The following CSTPP1 variants were observed in gnomAD, a reference collection of about 807,000 sequenced individuals.
The protein encoded by CSTPP1 is UPF0705 protein C11orf49.
chr11:47,129,576 C>G, the CSTPP1 span, among the ~76,000 whole-genome samples: 1 of 152,262 alleles, frequency 6.6e-6, no homozygotes, highest in East Asian at 1.9e-4. Flanking sequence ...GTCCTCCAAT[C>G]CCTAATGGCC....
At chr11:47,162,032 G>A in the CSTPP1 span, 85 of 1,006,286 alleles carry the variant, frequency 8.4e-5, no homozygotes, top group African/African-American at 1.3e-3. Flanking sequence ...GAATAGCCAC[G>A]CAGGGCCTTG....
chr11:46,981,750 C>G, the CSTPP1 span, among the ~76,000 whole-genome samples: 5 of 151,984 alleles, frequency 3.3e-5, no homozygotes, highest in Admixed American at 2.0e-4. Flanking sequence ...CTTAACCTCT[C>G]TAGTTTTTAA....
chr11:46,939,523 C>G, the CSTPP1 span, among the ~76,000 whole-genome samples: 4 of 151,932 alleles, frequency 2.6e-5, no homozygotes, highest in Non-Finnish European at 5.9e-5. Flanking sequence ...GGCATGGTGG[C>G]TCATGCCTGT....
the CSTPP1 span, among the ~76,000 whole-genome samples, chr11:46,938,032 G>A: frequency 2.0e-5 from 3 of 151,650 alleles, no homozygotes; most frequent in Non-Finnish European, 4.4e-5. Flanking sequence ...GCGCCACCAC[G>A]CCAGGTTAAT....
chr11:47,085,960 G>C, the CSTPP1 span, among the ~76,000 whole-genome samples: 2 of 151,594 alleles, frequency 1.3e-5, no homozygotes, highest in Non-Finnish European at 1.5e-5. Context: ...GCATGGGGAG[G>C]GGGAATTAGG....
the CSTPP1 span, among the ~76,000 whole-genome samples, chr11:46,977,542 A>C: frequency 6.6e-6 from 1 of 152,202 alleles, no homozygotes; most frequent in Admixed American, 6.5e-5. Context: ...TTTGTTTCTT[A>C]AAGAGTTCAT....
At chr11:47,037,986 C>T in the CSTPP1 span, among the ~76,000 whole-genome samples, 1 of 106,618 alleles carries the variant, frequency 9.4e-6, no homozygotes, top group Non-Finnish European at 2.3e-5. Context: ...TGACCCCCCC[C>T]ACCTCCCTCC....
the CSTPP1 span, among the ~76,000 whole-genome samples, chr11:47,062,396 G>A: frequency 2.6e-5 from 4 of 152,068 alleles, no homozygotes; most frequent in African/African-American, 9.7e-5. Flanking sequence ...TCAGAGGATA[G>A]GTTAGTTTTT....
the CSTPP1 span, among the ~76,000 whole-genome samples, chr11:47,057,422 A>C: frequency 6.6e-6 from 1 of 152,194 alleles, no homozygotes; most frequent in Admixed American, 6.5e-5. Context: ...ATTTCATTTG[A>C]TAAAATAATG....
chr11:47,123,802 A>G, the CSTPP1 span, among the ~76,000 whole-genome samples: 1 of 152,150 alleles, frequency 6.6e-6, no homozygotes, highest in Non-Finnish European at 1.5e-5. Context: ...GGAATTCAAG[A>G]CCAGCCTGGC....
At chr11:46,941,885 G>A in the CSTPP1 span, among the ~76,000 whole-genome samples, 1 of 152,148 alleles carries the variant, frequency 6.6e-6, no homozygotes, top group Non-Finnish European at 1.5e-5. Context: ...GTTCCCCTTG[G>A]TTAGTGTATC....
At chr11:46,967,330 T>G in the CSTPP1 span, among the ~76,000 whole-genome samples, 1 of 152,224 alleles carries the variant, frequency 6.6e-6, no homozygotes, top group East Asian at 1.9e-4. Context: ...TTATATTTTC[T>G]CCAATGAATT....
chr11:46,936,930 G>A, the CSTPP1 span: 4 of 1,394,494 alleles, frequency 2.9e-6, no homozygotes, highest in Non-Finnish European at 3.8e-6. Flanking sequence ...GCGGGGGCGG[G>A]GTCTGAGTGG....
the CSTPP1 span, among the ~76,000 whole-genome samples, chr11:47,110,187 A>G: frequency 6.6e-6 from 1 of 152,164 alleles, no homozygotes; most frequent in Non-Finnish European, 1.5e-5. Context: ...CTGCCTCCAC[A>G]CATACACACT....
chr11:47,149,071 G>A, the CSTPP1 span, among the ~76,000 whole-genome samples: 1 of 152,188 alleles, frequency 6.6e-6, no homozygotes, highest in Non-Finnish European at 1.5e-5. Context: ...GCAGGGGAGG[G>A]AGAAAGTGGC....
chr11:46,936,761 C>T, the CSTPP1 span: 1 of 1,606,224 alleles, frequency 6.2e-7, no homozygotes, highest in East Asian at 2.3e-5. Flanking sequence ...AACCTGGGTT[C>T]CGGAAGCCGG....
At chr11:47,163,836 G>A in the CSTPP1 span, among the ~76,000 whole-genome samples, 1 of 152,048 alleles carries the variant, frequency 6.6e-6, no homozygotes, top group Non-Finnish European at 1.5e-5. Context: ...AGTAGAAATG[G>A]GGTCTCACCA....
At chr11:47,044,789 G>A in the CSTPP1 span, among the ~76,000 whole-genome samples, 1 of 151,992 alleles carries the variant, frequency 6.6e-6, no homozygotes, top group African/African-American at 2.4e-5. Context: ...TGCACCTGTA[G>A]TCCCAGCTAC....
the CSTPP1 span, among the ~76,000 whole-genome samples, chr11:46,957,276 C>G: frequency 3.9e-5 from 6 of 152,130 alleles, no homozygotes; most frequent in Non-Finnish European, 8.8e-5. Flanking sequence ...TATTACTTGT[C>G]TTGCTTAAGT....
Sources: gnomAD v4.1 joint callset for allele counts (sites outside exome capture counted in the v4.1 genomes callset) on GRCh38, gnomAD v4.1.1 for gene constraint, MANE v1.5 for transcripts, NCBI Gene and HGNC (gene_info 2026-07-23, HGNC 2026-07-21) for gene names.